COL9A1: variants seen among roughly 807,000 people sequenced by gnomAD.
The protein encoded by COL9A1 is collagen type IX alpha 1 chain.
A neutral mutation model predicts 142.6 loss-of-function variants in COL9A1; 104 were observed. The observed-to-expected ratio is 0.73, with a 90% CI of 0.62 to 0.86. The LOEUF is 0.86. Ranked by LOEUF, COL9A1 falls within the 40% of genes least tolerant of loss-of-function variation. COL9A1 has a pLI of 0.00. For synonymous variants in COL9A1, 466 were observed against 396.0 expected, an observed-to-expected ratio of 1.18 and a Z score of -2.10; for missense variants, 1,210 against 1,176.6, an observed-to-expected ratio of 1.03 and a Z score of -0.42.
At chr6:70,283,888 G>A in intron 5 of COL9A1, 68 bp from the exon 6 acceptor site, 1 of 1,073,000 alleles carries the variant, frequency 9.3e-7, no homozygotes, top group Non-Finnish European at 1.4e-6. Flanking sequence ...TCAAGAGAGA[G>A]ATGAGTTGCG....
chr6:70,300,527 G>T, intron 2 of COL9A1, 141 bp from the exon 3 acceptor site: 1 of 359,646 alleles, frequency 2.8e-6, no homozygotes, highest in Non-Finnish European at 4.8e-6. Flanking sequence ...AAGATTTCAG[G>T]ATGTATCAAT....
chr6:70,239,314 G>A (rs1229643158), intron 32 of COL9A1, 28 bp from the exon 33 acceptor site: 2 of 1,420,178 alleles, frequency 1.4e-6, no homozygotes, highest in Admixed American at 1.7e-5. Flanking sequence ...ATTTATGTTA[G>A]AACAATGTAT....
chr6:70,271,652 C>A lies in COL9A1; in HGVS notation c.1143+3G>T. 6.2e-7 allele frequency: 1 copy of A among 1,613,332 alleles called. No homozygotes were observed. On this transcript the variant is annotated splice_donor_region_variant and intron_variant, in intron 14 of 37. Transcript: ENST00000357250. ...GTCTATCAAAGTGCACTGTGGTACTCACAACAGGTCCTACACGGCCAAGCT... is the reference window on the plus strand; with the variant it reads ...GTCTATCAAAGTGCACTGTGGTACTAACAACAGGTCCTACACGGCCAAGCT...
intron 37 of COL9A1, among the ~76,000 whole-genome samples, chr6:70,221,269 T>C (rs1768867118): frequency 6.6e-6 from 1 of 152,174 alleles, no homozygotes; most frequent in African/African-American, 2.4e-5. Flanking sequence ...ACAAAAAAAG[T>C]GAATAATTTT....
chr6:70,248,138 A>G (rs1199167923), intron 28 of COL9A1, among the ~76,000 whole-genome samples: 1 of 152,122 alleles, frequency 6.6e-6, no homozygotes, highest in Non-Finnish European at 1.5e-5. Context: ...GAAGACAGAA[A>G]TGGACCGAGA....
At chr6:70,269,379 T>G (rs1562315842) in intron 16 of COL9A1, among the ~76,000 whole-genome samples, 1 of 152,182 alleles carries the variant, frequency 6.6e-6, no homozygotes, top group Non-Finnish European at 1.5e-5. Flanking sequence ...ACCTGGATGC[T>G]CTAGTGAAAA....
intron 12 of COL9A1, 64 bp from the exon 13 acceptor site, chr6:70,272,152 G>A (rs983645487): frequency 1.5e-6 from 2 of 1,331,566 alleles, no homozygotes; most frequent in Non-Finnish European, 2.1e-6. Context: ...TATGAATGTA[G>A]ACATAACTCA....
At chr6:70,227,441 A>AAAG (rs1487645538) in intron 36 of COL9A1, among the ~76,000 whole-genome samples, 1 of 150,426 alleles carries the variant, frequency 6.6e-6, no homozygotes, top group Non-Finnish European at 1.5e-5. Flanking sequence ...AAAAAAAAAA[A>AAAG]AAAAAAAGGA....
chr6:70,247,453 C>T (rs1770675619), intron 28 of COL9A1, among the ~76,000 whole-genome samples: 1 of 152,162 alleles, frequency 6.6e-6, no homozygotes. Flanking sequence ...TTGTCTTTGT[C>T]CAACTACCCA....
intron 7 of COL9A1, 64 bp downstream of exon 7, chr6:70,282,834 G>T: frequency 3.1e-6 from 5 of 1,612,094 alleles, no homozygotes; most frequent in Non-Finnish European, 2.5e-6. Context: ...TCCCTCGACC[G>T]CTGCGCCCCG....
At chr6:70,285,487 T>C (rs1773414443) in intron 5 of COL9A1, among the ~76,000 whole-genome samples, 1 of 152,252 alleles carries the variant, frequency 6.6e-6, no homozygotes, top group Non-Finnish European at 1.5e-5. Context: ...CCTGGAATCA[T>C]TCTTCTCTTT....
chr6:70,256,930 G>A, intron 20 of COL9A1, 109 bp from the exon 21 acceptor site: 8 of 974,184 alleles, frequency 8.2e-6, no homozygotes, highest in Non-Finnish European at 1.3e-5. Flanking sequence ...GAGGTTTTGT[G>A]CCTGTAATAC....
intron 5 of COL9A1, among the ~76,000 whole-genome samples, chr6:70,287,249 G>A (rs1439802381): frequency 2.0e-5 from 3 of 152,132 alleles, no homozygotes; most frequent in Non-Finnish European, 2.9e-5. Flanking sequence ...GACCAAATTT[G>A]CTGGGGCAGA....
At chr6:70,274,544 G>C (rs1772624770) in intron 11 of COL9A1, among the ~76,000 whole-genome samples, 175 bp downstream of exon 11, 1 of 151,434 alleles carries the variant, frequency 6.6e-6, no homozygotes, top group African/African-American at 2.4e-5. Flanking sequence ...ACATGATCTT[G>C]TTCCTTTTTA....
chr6:70,295,981 TAA>T (rs1341972548), intron 4 of COL9A1, among the ~76,000 whole-genome samples: 1 of 152,212 alleles, frequency 6.6e-6, no homozygotes, highest in Non-Finnish European at 1.5e-5. Flanking sequence ...GAATCCCAAA[TAA>T]CCTTCCTTCA....
At chr6:70,293,615 CCTCT>C (rs373493811) in intron 5 of COL9A1, among the ~76,000 whole-genome samples, 1 of 144,442 alleles carries the variant, frequency 6.9e-6, no homozygotes, top group Admixed American at 7.2e-5. Flanking sequence ...GTCTCACCCT[CCTCT>C]CTCTCTCTCT....
At chr6:70,261,224 T>A (rs964973962) in intron 19 of COL9A1, 1 of 154,708 alleles carries the variant, frequency 6.5e-6, no homozygotes, top group East Asian at 1.9e-4. Flanking sequence ...CTATTCATTA[T>A]ACCATTCTTA....
chr6:70,217,774 T>C (rs987158479), intron 37 of COL9A1, among the ~76,000 whole-genome samples: 17 of 152,228 alleles, frequency 1.1e-4, no homozygotes, highest in African/African-American at 3.9e-4. Flanking sequence ...CTATCATTTA[T>C]GAAAAATGTG....
At chr6:70,219,485 C>G (rs1768735575) in intron 37 of COL9A1, among the ~76,000 whole-genome samples, 1 of 152,228 alleles carries the variant, frequency 6.6e-6, no homozygotes, top group Non-Finnish European at 1.5e-5. Flanking sequence ...ATAATCTGAT[C>G]CTTCACAAAT....
Sources: allele counts gnomAD v4.1 joint callset (sites outside exome capture counted in the v4.1 genomes callset), GRCh38; gene constraint gnomAD v4.1.1; transcripts MANE v1.5; gene names NCBI Gene and HGNC (gene_info 2026-07-23, HGNC 2026-07-21).